DDX4: variants seen among roughly 807,000 people sequenced by gnomAD.
DDX4 encodes the protein DEAD-box helicase 4, also known as probable ATP-dependent RNA helicase DDX4.
DDX4 carries 25 observed loss-of-function variants against 100.0 expected under a neutral mutation model. That is an observed-to-expected ratio of 0.25 (90% CI 0.18 to 0.35). The LOEUF (loss-of-function observed/expected upper bound fraction) is 0.35, where lower values mean the gene tolerates loss of function less well. Among genes scored for constraint, DDX4 ranks in the 10% least tolerant of loss-of-function variants. The probability of loss-of-function intolerance (pLI) is 1.00; values close to 1 mark genes in which losing one functional copy is unlikely to be tolerated. For synonymous variants in DDX4, 259 were observed against 275.7 expected (o/e 0.94, Z 0.60); for missense variants, 635 against 882.4 (o/e 0.72, Z 3.55).
At chr5:55,764,501 TAC>T (rs1740766272) in intron 6 of DDX4, among the ~76,000 whole-genome samples, 1 of 152,106 alleles carries the variant, frequency 6.6e-6, no homozygotes, top group South Asian at 2.1e-4. Flanking sequence ...TCTACAGGAA[TAC>T]AGAGAATGAT....
intron 15 of DDX4, among the ~76,000 whole-genome samples, chr5:55,788,235 G>A (rs1742356097): frequency 6.6e-6 from 1 of 152,164 alleles, no homozygotes; most frequent in Non-Finnish European, 1.5e-5. Context: ...AGTGCTTTGT[G>A]AGGCCCAGGC....
chr5:55,777,967 A>C (rs919655828), intron 7 of DDX4, among the ~76,000 whole-genome samples: 2 of 152,200 alleles, frequency 1.3e-5, no homozygotes, highest in African/African-American at 4.8e-5. Flanking sequence ...GAGATTAATA[A>C]GAATATAGAA....
intron 17 of DDX4, among the ~76,000 whole-genome samples, 154 bp downstream of exon 17, chr5:55,792,961 C>A (rs895553120): frequency 7.9e-5 from 12 of 151,606 alleles, no homozygotes; most frequent in Non-Finnish European, 1.8e-4. Flanking sequence ...ACGTTTGCCA[C>A]ATTTTCCATT....
Position 55,792,767 on chromosome 5 carries a change from A to T in DDX4, c.1429A>T (p.Thr477Ser). The T allele has an allele frequency of 6.4e-7, 1 of 1,574,118 alleles. No homozygotes were observed. The change falls in exon 17 of 22, where the codon ACC (threonine) becomes TCC (serine). Residue 477 changes from threonine to serine, a missense_variant. Physicochemically the swap from Thr to Ser is moderately conservative, Grantham distance 58. This residue lies in a region of DDX4 where 115 missense variants were observed against 224.7 expected (regional missense o/e 0.51). Coordinates refer to ENST00000505374, the MANE Select transcript of DDX4 (RefSeq NM_024415.3). ...PGMPSKEQRQ[T>S]LMFSATFPEE... ...AATGCCATCAAAGGAACAGCGCCAA[A>T]CCCTTATGTTCAGTGCAACTTTTCC...
intron 3 of DDX4, among the ~76,000 whole-genome samples, chr5:55,758,125 C>T (rs1760057238): frequency 6.6e-6 from 1 of 152,216 alleles, no homozygotes; most frequent in African/African-American, 2.4e-5. Context: ...CTCATCATTC[C>T]TTAGTTTGCT....
chr5:55,781,986 GT>G lies in DDX4; in HGVS notation c.625+7del. 1 of 1,613,926 alleles carries G rather than the reference GT, an allele frequency of 6.2e-7. No homozygotes were observed. Among genetic ancestry groups the G allele is most frequent in the Non-Finnish European group, 8.5e-7 (1 of 1,179,928 alleles). On this transcript the variant is annotated splice_donor_region_variant and intron_variant, in intron 10 of 21. Coordinates refer to ENST00000505374, the MANE Select transcript of DDX4 (RefSeq NM_024415.3). ...GTGGCAGTGGAAGTGAACGAGGTAA[GT>G]TCTTATTTTGTTTACCCGAAAGAAG...
At chr5:55,801,689 G>A (rs1341322361) in intron 18 of DDX4, among the ~76,000 whole-genome samples, 1 of 152,128 alleles carries the variant, frequency 6.6e-6, no homozygotes, top group African/African-American at 2.4e-5. Context: ...CAGCAAGATT[G>A]TTCATTAACA....
At chr5:55,783,662 G>GATGGATGGATGGATGAATGGATGGATGA (rs544324277) in intron 10 of DDX4, among the ~76,000 whole-genome samples, 3 of 148,194 alleles carry the variant, frequency 2.0e-5, no homozygotes, top group Admixed American at 1.3e-4. Context: ...TGGATGGATG[G>GATGGATGGATGGATGAATGGATGGATGA]ATGGATGGAT....
At chr5:55,748,730 T>TA (rs200291665) in intron 3 of DDX4, among the ~76,000 whole-genome samples, 34 of 151,792 alleles carry the variant, frequency 2.2e-4, no homozygotes, top group East Asian at 7.7e-4. Flanking sequence ...CTTATTGTTT[T>TA]AAAAAAAAGG....
At chr5:55,760,351 T>G (rs1012098462) in intron 4 of DDX4, 74 bp downstream of exon 4, 257 of 1,432,160 alleles carry the variant, frequency 1.8e-4, no homozygotes, top group Admixed American at 2.3e-4. Flanking sequence ...CATGGCCATT[T>G]GGTACAAAGC....
Position 55,811,941 on chromosome 5 carries a change from A to AC in DDX4, c.1616-1729dup, listed in dbSNP as rs532126378. 3.2e-3 allele frequency among the ~76,000 whole-genome samples: 488 copies of AC among 152,286 alleles called. 1 individual carries two copies. The highest frequency in any genetic ancestry group is 0.011 in the African/African-American group (461 of 41,570). On this transcript the variant is annotated intron_variant, in intron 18 of 21. Transcript: ENST00000505374. Reference sequence around the variant, plus strand: ...AACCTCTATACATTAGGAAAAACAAACCCAAGTAGAGTAAGTGTATTAAGC... The same window carrying AC: ...AACCTCTATACATTAGGAAAAACAAACCCCAAGTAGAGTAAGTGTATTAAGC...
chr5:55,781,413 G>A (rs904545240), intron 9 of DDX4, among the ~76,000 whole-genome samples: 3 of 152,172 alleles, frequency 2.0e-5, no homozygotes, highest in African/African-American at 7.2e-5. Context: ...AGGGGAAAAG[G>A]ATTTGTGTGA....
chr5:55,788,432 C>T (rs537606503), intron 15 of DDX4, among the ~76,000 whole-genome samples: 17 of 152,230 alleles, frequency 1.1e-4, no homozygotes, highest in South Asian at 2.1e-4. Flanking sequence ...ACTGTGATTG[C>T]ACCACCACAC....
chr5:55,752,618 G>A (rs6893472), intron 3 of DDX4, among the ~76,000 whole-genome samples: 52,779 of 139,918 alleles, frequency 0.38, 11,288 homozygotes, highest in African/African-American at 0.56. Context: ...AGTCTTTGCT[G>A]TCGTGAGTAA....
chr5:55,777,702 C>T (rs545319164), intron 7 of DDX4: 2 of 152,148 alleles, frequency 1.3e-5, no homozygotes, highest in Non-Finnish European at 2.9e-5. Context: ...CACACGTTTA[C>T]CTATGTAACA....
At chr5:55,750,931 G>A (rs1190522298) in intron 3 of DDX4, among the ~76,000 whole-genome samples, 1 of 152,236 alleles carries the variant, frequency 6.6e-6, no homozygotes, top group South Asian at 2.1e-4. Flanking sequence ...GATAGGCACT[G>A]AGATTACCTC....
chr5:55,795,126 C>T (rs193041324), intron 17 of DDX4, among the ~76,000 whole-genome samples: 12 of 152,078 alleles, frequency 7.9e-5, no homozygotes, highest in Admixed American at 6.6e-4. Context: ...CCACCACGTC[C>T]GGCTAATTTT....
chr5:55,776,281 G>C (rs1316593166), intron 7 of DDX4, among the ~76,000 whole-genome samples: 1 of 152,192 alleles, frequency 6.6e-6, no homozygotes, highest in Non-Finnish European at 1.5e-5. Flanking sequence ...AAACACGAGA[G>C]TGGTTAATAA....
intron 15 of DDX4, among the ~76,000 whole-genome samples, chr5:55,788,810 A>T (rs532479064): frequency 6.6e-6 from 1 of 152,296 alleles, no homozygotes; most frequent in African/African-American, 2.4e-5. Flanking sequence ...TTACACCTGT[A>T]ATCCTAGCAC....
Sources: allele counts gnomAD v4.1 joint callset (sites outside exome capture counted in the v4.1 genomes callset), GRCh38; gene constraint gnomAD v4.1.1; regional missense constraint gnomAD v4.1.1; transcripts MANE v1.5; gene names NCBI Gene and HGNC (gene_info 2026-07-23, HGNC 2026-07-21).